MGAM2: variants seen among roughly 807,000 people sequenced by gnomAD.
MGAM2 encodes probable maltase-glucoamylase 2.
MGAM2 carries 98 observed loss-of-function variants against 96.1 expected under a neutral mutation model. That is an observed-to-expected ratio of 1.02 (90% CI 0.87 to 1.21). The LOEUF is 1.21. Ranked by LOEUF, MGAM2 falls within the 50% of genes most tolerant of loss-of-function variation. MGAM2 has a pLI of 0.00. For missense variants in MGAM2, 2,055 were observed against 1,182.4 expected (o/e 1.74, Z -10.82); for synonymous variants, 749 against 414.8 (o/e 1.81, Z -9.79).
Position 142,166,267 on chromosome 7 carries a change from A to C in MGAM2, c.2808+14A>C. The C allele has an allele frequency of 1.4e-6, 1 of 694,138 alleles. No individual in the cohort carries two copies. 43.0% of individuals were successfully genotyped at this position (694,138 alleles called of 1,614,324 possible). On this transcript the variant is annotated intron_variant, in intron 25 of 47. Transcript: ENST00000477922. ...TGTCTTTGGGAGGTAAATGACCAGAAACAGATTACCTCATTGATTAGGAAG... is the reference window on the plus strand; with the variant it reads ...TGTCTTTGGGAGGTAAATGACCAGACACAGATTACCTCATTGATTAGGAAG...
chr7:142,131,611 A>T lies in MGAM2; in HGVS notation c.404A>T (p.Asn135Ile), dbSNP rs557850843. 2 of 703,012 alleles carry T rather than the reference A, an allele frequency of 2.8e-6. No individual in the cohort carries two copies. Among genetic ancestry groups the T allele is most frequent in the Non-Finnish European group, 5.2e-6 (2 of 385,016 alleles). The allele number at this position is 703,012 out of a possible 1,614,324, so 43.5% of individuals were successfully genotyped here. Residue 135 changes from asparagine to isoleucine, a missense_variant, in exon 5 of 48, where the codon AAT becomes ATT. Asn to Ile is a moderately radical substitution (Grantham distance 149). Coordinates refer to ENST00000477922, the MANE Select transcript of MGAM2 (RefSeq NM_001293626.2). Reference protein sequence around the residue: ...TLFTAEYQTSNRFHFKITDFN... With the variant: ...TLFTAEYQTSIRFHFKITDFN... ...TTCACAGCTGAATATCAGACATCCA[A>T]TCGGTTTCATTTTAAGGTTGGTTTG...
rs1042540657 is a variant in MGAM2 at position 142,199,860 on chromosome 7, C to T, written c.5049-20C>T. 1.3e-4 allele frequency: 76 copies of T among 589,920 alleles called. No individual in the cohort carries two copies. Among genetic ancestry groups the T allele is most frequent in the Non-Finnish European group, 1.6e-4 (54 of 332,636 alleles). The allele number at this position is 589,920 out of a possible 1,614,324, so 36.5% of individuals were successfully genotyped here. ...ACCTACAATCTAGAGAAAAATAACTCTTTTTTTTTTTTTTGGTAGTCGACA... is the reference window on the plus strand; with the variant it reads ...ACCTACAATCTAGAGAAAAATAACTTTTTTTTTTTTTTTTGGTAGTCGACA... On this transcript the variant is annotated intron_variant, in intron 44 of 47. Coordinates refer to ENST00000477922, the MANE Select transcript of MGAM2 (RefSeq NM_001293626.2).
chr7:142,173,354 T>C lies in MGAM2; in HGVS notation c.3687T>C (p.Tyr1229=). ...CAATGGTGGCAGCCCAGATTCCCTATGTATGAAACCCTCACTCAGCCCAAG... is the reference window on the plus strand; with the variant it reads ...CAATGGTGGCAGCCCAGATTCCCTACGTATGAAACCCTCACTCAGCCCAAG... The part of the protein sequence containing the change: ...YDAMVAAQIP[Y]DVQHVDIDYM... Residue 1229 remains tyrosine (Y), a splice_region_variant and synonymous_variant, in exon 31 of 48, where the codon TAT becomes TAC. Coordinates refer to ENST00000477922, the MANE Select transcript of MGAM2 (RefSeq NM_001293626.2). 1.4e-6 allele frequency: 1 copy of C among 702,860 alleles called. No individual in the cohort carries two copies. Among genetic ancestry groups the C allele is most frequent in the Non-Finnish European group, 2.6e-6 (1 of 384,832 alleles). The allele number at this position is 702,860 out of a possible 1,614,324, so 43.5% of individuals were successfully genotyped here. A position where few individuals can be genotyped will look rare whatever the true frequency, so the allele number is the denominator to read the frequency against.
In MGAM2 at chr7:142,161,233, C is replaced by T; in HGVS notation, c.2434+20C>T. The T allele has an allele frequency of 1.4e-6, 1 of 701,480 alleles. No individual in the cohort carries two copies. 43.5% of individuals were successfully genotyped at this position (701,480 alleles called of 1,614,324 possible). ...CTAAAGGTAGACTTTCTCAAGGCAC[C>T]ATCCCTGTGGATCACTGTGGTTCTC... On this transcript the variant is annotated intron_variant, in intron 22 of 47. Transcript: ENST00000477922.
rs764765532 is a variant in MGAM2 at position 142,199,872 on chromosome 7, T to G, written c.5049-8T>G. On this transcript the variant is annotated splice_polypyrimidine_tract_variant and splice_region_variant and intron_variant, in intron 44 of 47. Coordinates refer to ENST00000477922, the MANE Select transcript of MGAM2 (RefSeq NM_001293626.2). ...GAGAAAAATAACTCTTTTTTTTTTT[T>G]TTGGTAGTCGACAAAATTTTATGGG... The G allele has an allele frequency of 1.5e-6, 1 of 679,826 alleles. No homozygotes were observed. The allele number at this position is 679,826 out of a possible 1,614,324, so 42.1% of individuals were successfully genotyped here. A position where few individuals can be genotyped will look rare whatever the true frequency, so the allele number is the denominator to read the frequency against.
At chr7:142,146,527 C>T (rs1256497398) in intron 14 of MGAM2, among the ~76,000 whole-genome samples, 5 of 152,106 alleles carry the variant, frequency 3.3e-5, no homozygotes, top group East Asian at 1.9e-4. Flanking sequence ...GTGCCTCACA[C>T]TCAGGTCCTA....
At chr7:142,163,382 A>C (rs1795946166) in intron 23 of MGAM2, among the ~76,000 whole-genome samples, 1 of 152,162 alleles carries the variant, frequency 6.6e-6, no homozygotes. Flanking sequence ...CCTGCGTTCA[A>C]GAGATTCTCT....
At chr7:142,190,317 G>A (rs563896893) in intron 37 of MGAM2, among the ~76,000 whole-genome samples, 1 of 147,310 alleles carries the variant, frequency 6.8e-6, no homozygotes, top group South Asian at 2.2e-4. Flanking sequence ...TGTCGCCCAG[G>A]CTGGAGTGCA....
chr7:142,215,079 A>G (rs1797713607), intron 46 of MGAM2, among the ~76,000 whole-genome samples: 1 of 152,226 alleles, frequency 6.6e-6, no homozygotes, highest in Non-Finnish European at 1.5e-5. Context: ...AGACCAGATA[A>G]AGAAAATGTG....
intron 14 of MGAM2, 79 bp from the exon 15 acceptor site, chr7:142,147,377 A>G: frequency 1.6e-6 from 1 of 638,932 alleles, no homozygotes; most frequent in Non-Finnish European, 2.8e-6. Flanking sequence ...TACAGTAATC[A>G]GGAAGAAAAT....
chr7:142,149,948 T>TG (rs1299802405), intron 15 of MGAM2, among the ~76,000 whole-genome samples: 1 of 148,138 alleles, frequency 6.8e-6, no homozygotes, highest in East Asian at 2.0e-4. Context: ...GTTAAATTCT[T>TG]TTTTTTTTTT....
intron 37 of MGAM2, among the ~76,000 whole-genome samples, chr7:142,195,566 A>C (rs1371827914): frequency 1.3e-5 from 2 of 150,044 alleles, no homozygotes; most frequent in Non-Finnish European, 3.0e-5. Flanking sequence ...CATGTTGGCC[A>C]GGCTGGTCTT....
At chr7:142,213,149 A>G (rs1318196050) in intron 46 of MGAM2, among the ~76,000 whole-genome samples, 2 of 152,226 alleles carry the variant, frequency 1.3e-5, no homozygotes, top group Non-Finnish European at 2.9e-5. Flanking sequence ...AAACAAAGAC[A>G]CAACATATCA....
intron 1 of MGAM2, among the ~76,000 whole-genome samples, chr7:142,114,117 C>T (rs192680545): frequency 9.9e-5 from 13 of 131,640 alleles, no homozygotes; most frequent in Admixed American, 4.3e-4. Flanking sequence ...GGCAACAGAG[C>T]GAGACTCCAT....
intron 15 of MGAM2, among the ~76,000 whole-genome samples, chr7:142,152,150 A>C (rs902661714): frequency 6.8e-6 from 1 of 147,176 alleles, no homozygotes; most frequent in Non-Finnish European, 1.5e-5. Context: ...CCTCTGAGTA[A>C]GACTGTTCCT....
At chr7:142,184,985 A>G in intron 33 of MGAM2, 92 bp from the exon 34 acceptor site, 1 of 568,722 alleles carries the variant, frequency 1.8e-6, no homozygotes, top group East Asian at 3.0e-5. Context: ...CGTTTCATGG[A>G]GATGCCTGTC....
At chr7:142,153,156 C>G (rs1002917218) in intron 15 of MGAM2, among the ~76,000 whole-genome samples, 4 of 152,014 alleles carry the variant, frequency 2.6e-5, no homozygotes, top group Admixed American at 2.6e-4. Flanking sequence ...CGCACACCAC[C>G]ATGTCCAGCT....
chr7:142,117,477 G>T (rs1204454472), intron 2 of MGAM2, among the ~76,000 whole-genome samples: 1 of 152,148 alleles, frequency 6.6e-6, no homozygotes, highest in Admixed American at 6.5e-5. Context: ...GCATCAAACA[G>T]AATGCCTTCT....
At chr7:142,114,183 A>AAAG (rs1421129782) in intron 1 of MGAM2, among the ~76,000 whole-genome samples, 2 of 112,428 alleles carry the variant, frequency 1.8e-5, no homozygotes, top group African/African-American at 8.5e-5. Context: ...AGAAAGAAAG[A>AAAG]AAGAAAGAAA....
Sources: gnomAD v4.1 joint callset for allele counts (sites outside exome capture counted in the v4.1 genomes callset) on GRCh38, gnomAD v4.1.1 for gene constraint, MANE v1.5 for transcripts, NCBI Gene and HGNC (gene_info 2026-07-23, HGNC 2026-07-21) for gene names.